ADD3: variants seen among roughly 807,000 people sequenced by gnomAD.
The protein encoded by ADD3 is adducin 3.
ADD3 carries 25 observed loss-of-function variants against 80.2 expected under a neutral mutation model. That is an observed-to-expected ratio of 0.31 (90% CI 0.23 to 0.44). The LOEUF (loss-of-function observed/expected upper bound fraction) is 0.44. Among genes scored for constraint, ADD3 ranks in the 20% least tolerant of loss-of-function variants. The probability of loss-of-function intolerance (pLI) is 1.00; values close to 1 mark genes in which losing one functional copy is unlikely to be tolerated. For synonymous variants in ADD3, 284 were observed against 289.6 expected (o/e 0.98, Z 0.20); for missense variants, 829 against 847.5 (o/e 0.98, Z 0.27).
Position 110,122,571 on chromosome 10 carries a change from G to C in ADD3, c.1143+279G>C, listed in dbSNP as rs1851645084. 2.0e-5 allele frequency among the ~76,000 whole-genome samples: 3 copies of C among 150,984 alleles called. No homozygotes were observed. The South Asian group carries it at 6.3e-4, about 32-fold the overall frequency. On this transcript the variant is annotated intron_variant, in intron 9 of 14. Coordinates refer to ENST00000356080, the MANE Select transcript of ADD3 (RefSeq NM_016824.5). ...TCCTAACTGAAATTTTGTATCCTTT[G>C]ATCAACATCTCCCCACCCCCACCTC...
intron 1 of ADD3, among the ~76,000 whole-genome samples, chr10:110,039,557 G>A (rs1443478149): frequency 6.6e-6 from 1 of 152,176 alleles, no homozygotes. Context: ...AGCATACAGT[G>A]AGCACCCTGT....
chr10:110,073,944 TGTA>T (rs1352837392), intron 1 of ADD3, among the ~76,000 whole-genome samples: 1 of 152,004 alleles, frequency 6.6e-6, no homozygotes, highest in African/African-American at 2.4e-5. Flanking sequence ...TAGCCAGTCT[TGTA>T]GTAGATGGAG....
chr10:110,083,605 A>T (rs1226659894), intron 1 of ADD3, among the ~76,000 whole-genome samples: 1 of 152,158 alleles, frequency 6.6e-6, no homozygotes, highest in Non-Finnish European at 1.5e-5. Flanking sequence ...TTCCCTCTAA[A>T]CCTAATTAAT....
chr10:110,086,168 T>C (rs1230217452), intron 1 of ADD3, among the ~76,000 whole-genome samples: 4 of 151,722 alleles, frequency 2.6e-5, no homozygotes, highest in African/African-American at 9.7e-5. Context: ...TTCTAGCACT[T>C]TGGGAGGCCG....
At chr10:110,018,121 T>A (rs967704994) in intron 1 of ADD3, among the ~76,000 whole-genome samples, 2 of 152,198 alleles carry the variant, frequency 1.3e-5, no homozygotes, top group Non-Finnish European at 2.9e-5. Context: ...AACATAGGAA[T>A]GGTCAGCAAT....
At chr10:110,031,050 T>C (rs112857382) in intron 1 of ADD3, among the ~76,000 whole-genome samples, 2,163 of 149,318 alleles carry the variant, frequency 0.014, 44 homozygotes, top group South Asian at 0.08. Flanking sequence ...CCGAGGCAGG[T>C]GGATCACCTG....
intron 2 of ADD3, among the ~76,000 whole-genome samples, chr10:110,106,516 A>G (rs1849410203): frequency 6.6e-6 from 1 of 152,100 alleles, no homozygotes; most frequent in African/African-American, 2.4e-5. Flanking sequence ...TACTTAAAGT[A>G]TATTCTTAGC....
chr10:109,998,051 G>A (rs1851414634), intron 1 of ADD3, among the ~76,000 whole-genome samples: 1 of 152,132 alleles, frequency 6.6e-6, no homozygotes. Flanking sequence ...CAATGAACAC[G>A]ATAAAGTTCT....
Position 110,116,402 on chromosome 10 carries a change from T to A in ADD3, c.478T>A (p.Tyr160Asn), listed in dbSNP as rs1422590973. 6.2e-7 allele frequency: 1 copy of A among 1,613,788 alleles called. No individual in the cohort carries two copies. The highest frequency in any genetic ancestry group is 8.5e-7 in the Non-Finnish European group (1 of 1,179,890). Residue 160 changes from tyrosine (Y) to asparagine (N), a missense_variant, in exon 4 of 15, where the codon TAT becomes AAT. Tyr to Asn is a moderately radical substitution (Grantham distance 143, BLOSUM62 -2). Coordinates refer to ENST00000356080, the MANE Select transcript of ADD3 (RefSeq NM_016824.5). The part of the protein sequence containing the change: ...LFGWAHLANT[Y>N]ISVRISKEQD... ...TGGATGGGCACACCTGGCAAATACCTATATCTCAGTGAGTTCTTCAGCTTT... is the reference window on the plus strand; with the variant it reads ...TGGATGGGCACACCTGGCAAATACCAATATCTCAGTGAGTTCTTCAGCTTT...
At chr10:110,006,494 C>A (rs1369662753), upstream of ADD3, among the ~76,000 whole-genome samples, 1 of 152,170 alleles carries the variant, frequency 6.6e-6, no homozygotes, top group Non-Finnish European at 1.5e-5. Flanking sequence ...TCAGGCTGAG[C>A]ATTTTCTAAA....
chr10:110,040,597 CTG>C, intron 1 of ADD3, among the ~76,000 whole-genome samples: 1 of 152,132 alleles, frequency 6.6e-6, no homozygotes, highest in Admixed American at 6.5e-5. Flanking sequence ...GGGCTTTTTT[CTG>C]TGGGAAATAG....
upstream of ADD3, among the ~76,000 whole-genome samples, chr10:110,002,929 T>A (rs150629994): frequency 6.6e-6 from 1 of 152,344 alleles, no homozygotes; most frequent in East Asian, 1.9e-4. Flanking sequence ...CCTGATTATA[T>A]CTCCTTGGGG....
At chr10:110,113,847 A>G (rs1449788657) in intron 3 of ADD3, among the ~76,000 whole-genome samples, 3 of 152,230 alleles carry the variant, frequency 2.0e-5, no homozygotes, top group African/African-American at 4.8e-5. Context: ...CATTGCCAAG[A>G]CATTGCAGCA....
chr10:110,103,437 G>A (rs1251722706), intron 2 of ADD3, among the ~76,000 whole-genome samples: 1 of 152,198 alleles, frequency 6.6e-6, no homozygotes, highest in Admixed American at 6.5e-5. Context: ...CCACTCTTAA[G>A]ATGGATCACT....
intron 1 of ADD3, among the ~76,000 whole-genome samples, chr10:110,057,286 T>C (rs1858319182): frequency 6.6e-6 from 1 of 152,198 alleles, no homozygotes; most frequent in Admixed American, 6.5e-5. Flanking sequence ...TTTTTCCTAG[T>C]AGTTCTGGAA....
At chr10:110,050,282 C>T (rs72828271) in intron 1 of ADD3, among the ~76,000 whole-genome samples, 2,998 of 152,124 alleles carry the variant, frequency 0.02, 55 homozygotes, top group Middle Eastern at 0.054. Context: ...TCCCATGTGC[C>T]GTAGGAGGGA....
chr10:110,059,317 C>T lies in ADD3; in HGVS notation c.-29-41308C>T, dbSNP rs1014781814. ...TGAAGTCCTGTCTAAACTAAAAATA[C>T]AAAAATTAGCTGGGCGTGGTGGCGC... On this transcript the variant is annotated intron_variant, in intron 1 of 14. Transcript: ENST00000356080. Among the ~76,000 whole-genome samples the T allele has an allele frequency of 5.3e-5, 8 of 152,224 alleles. No homozygotes were observed. In the East Asian group the frequency reaches 1.5e-3, roughly 29 times the overall value.
chr10:110,086,236 C>G (rs1846727439), intron 1 of ADD3, among the ~76,000 whole-genome samples: 1 of 151,994 alleles, frequency 6.6e-6, no homozygotes, highest in African/African-American at 2.4e-5. Flanking sequence ...AGGGTGAAAC[C>G]TCATCTCTAC....
chr10:110,095,015 C>G (rs991493232), intron 1 of ADD3, among the ~76,000 whole-genome samples: 1 of 152,138 alleles, frequency 6.6e-6, no homozygotes, highest in South Asian at 2.1e-4. Context: ...GTAATAACTT[C>G]TTTTCAAAAG....
Sources: gnomAD v4.1 joint callset for allele counts (sites outside exome capture counted in the v4.1 genomes callset) on GRCh38, gnomAD v4.1.1 for gene constraint, MANE v1.5 for transcripts, NCBI Gene and HGNC (gene_info 2026-07-23, HGNC 2026-07-21) for gene names.